Variants in NFIC observed in about 807,000 individuals in gnomAD.
NFIC encodes the protein nuclear factor 1 C-type.
Under a neutral mutation model 54.4 loss-of-function variants are expected in NFIC, and 12 were observed. That is an observed-to-expected ratio of 0.22 (90% confidence interval 0.14 to 0.36). The LOEUF (loss-of-function observed/expected upper bound fraction) is 0.36, where lower values mean the gene tolerates loss of function less well. Ranked by LOEUF, NFIC falls within the 10% of genes least tolerant of loss-of-function variation. The pLI is 1.00. For synonymous variants in NFIC, 322 were observed against 319.2 expected, an observed-to-expected ratio of 1.01 and a Z score of -0.09; for missense variants, 575 against 718.2, an observed-to-expected ratio of 0.80 and a Z score of 2.28.
intron 3 of NFIC, among the ~76,000 whole-genome samples, chr19:3,429,292 A>ACACACACACACT (rs2082084294): frequency 7.3e-6 from 1 of 137,120 alleles, no homozygotes; most frequent in Non-Finnish European, 1.5e-5. Flanking sequence ...ACACACACAC[A>ACACACACACACT]CACTAGCCAA....
At chr19:3,415,156 A>C (rs1237579408) in intron 2 of NFIC, among the ~76,000 whole-genome samples, 1 of 141,950 alleles carries the variant, frequency 7.0e-6, no homozygotes, top group Non-Finnish European at 1.5e-5. Context: ...TTGGTTCTTT[A>C]GTCTGGAGTG....
intron 1 of NFIC, among the ~76,000 whole-genome samples, chr19:3,360,339 C>A (rs543589923): frequency 2.0e-5 from 3 of 149,610 alleles, no homozygotes; most frequent in African/African-American, 7.3e-5. Flanking sequence ...CCTCGGCAGA[C>A]CCCCGGCCCC....
At chr19:3,408,427 G>A (rs1399941559) in intron 2 of NFIC, among the ~76,000 whole-genome samples, 1 of 151,892 alleles carries the variant, frequency 6.6e-6, no homozygotes, top group African/African-American at 2.4e-5. Context: ...CTTTAACTGT[G>A]GTGAGACACA....
At chr19:3,409,640 G>C (rs2081718559) in intron 2 of NFIC, among the ~76,000 whole-genome samples, 1 of 152,160 alleles carries the variant, frequency 6.6e-6, no homozygotes, top group East Asian at 1.9e-4. Flanking sequence ...TGCAAAGGGG[G>C]TGGGTGCTCC....
intron 3 of NFIC, among the ~76,000 whole-genome samples, chr19:3,431,394 G>A (rs2145622863): frequency 7.5e-6 from 1 of 133,772 alleles, no homozygotes; most frequent in Admixed American, 7.7e-5. Context: ...TTTGAGACAG[G>A]GTCTTGCTCT....
chr19:3,424,956 AGACCCCAGGGCCTGGGTGTGTTTTGG>A (rs2082004895), intron 2 of NFIC, 124 bp from the exon 3 acceptor site: 1 of 734,786 alleles, frequency 1.4e-6, no homozygotes. Flanking sequence ...GCCCAAAGAG[AGACCCCAGGGCCTGGGTGTGTTTTGG>A]GGCCACTGTT....
chr19:3,428,093 C>G (rs910660337), intron 3 of NFIC, among the ~76,000 whole-genome samples: 2 of 151,786 alleles, frequency 1.3e-5, no homozygotes, highest in Admixed American at 6.6e-5. Context: ...TTGCTTGAAC[C>G]CGGGAGACAG....
At chr19:3,454,879 C>T (rs2082528264) in intron 9 of NFIC, among the ~76,000 whole-genome samples, 1 of 152,180 alleles carries the variant, frequency 6.6e-6, no homozygotes, top group South Asian at 2.1e-4. Flanking sequence ...AGAACCCAGG[C>T]TGCCTGCCCA....
intron 2 of NFIC, among the ~76,000 whole-genome samples, chr19:3,384,581 G>A (rs1418529237): frequency 1.3e-5 from 2 of 152,092 alleles, no homozygotes; most frequent in African/African-American, 2.4e-5. Context: ...TAGAGACGGG[G>A]TTTCACCATG....
At position 3,369,296 on chromosome 19, in the gene NFIC, C is replaced by T. The variant is rs2080955452; in HGVS notation, c.30+2630C>T. 6.6e-6 allele frequency among the ~76,000 whole-genome samples: 1 copy of T among 152,112 alleles called. No individual in the cohort carries two copies. The highest frequency in any genetic ancestry group is 6.6e-5 in the Admixed American group (1 of 15,262). On this transcript the variant is annotated intron_variant, in intron 1 of 10. Transcript: ENST00000443272. The surrounding 1 kb of genome is among the most constrained non-coding windows in gnomAD (Gnocchi z 4.3). ...TGTCTCTTCATCTCTGTCTCACCTT[C>T]CCTTTCTCCTCTGTCTCTGCGTGTC...
intron 2 of NFIC, among the ~76,000 whole-genome samples, chr19:3,408,374 A>G (rs2145560921): frequency 6.6e-6 from 1 of 152,324 alleles, no homozygotes; most frequent in African/African-American, 2.4e-5. Flanking sequence ...GTTGAAGCCA[A>G]GATTCCCAAC....
intron 6 of NFIC, among the ~76,000 whole-genome samples, chr19:3,447,156 G>C (rs989150114): frequency 6.6e-6 from 1 of 151,904 alleles, no homozygotes; most frequent in Non-Finnish European, 1.5e-5. Context: ...AAAATGACCC[G>C]GGCGTGGTGG....
intron 6 of NFIC, among the ~76,000 whole-genome samples, chr19:3,444,877 ATG>A (rs1014043760): frequency 1.3e-5 from 2 of 151,676 alleles, no homozygotes; most frequent in African/African-American, 4.9e-5. Context: ...GCGTGCACAC[ATG>A]TATGCATGCA....
At chr19:3,421,120 A>G (rs746181267) in intron 2 of NFIC, among the ~76,000 whole-genome samples, 1 of 152,242 alleles carries the variant, frequency 6.6e-6, no homozygotes, top group East Asian at 1.9e-4. Flanking sequence ...TGAGGCGCGG[A>G]TGCATCCGAG....
At chr19:3,403,390 C>A (rs369666726) in intron 2 of NFIC, among the ~76,000 whole-genome samples, 1 of 152,194 alleles carries the variant, frequency 6.6e-6, no homozygotes, top group Admixed American at 6.5e-5. Context: ...TCTTCCGTTT[C>A]CCCCTTTGTA....
At chr19:3,372,507 T>C (rs1340161295) in intron 1 of NFIC, among the ~76,000 whole-genome samples, 1 of 152,116 alleles carries the variant, frequency 6.6e-6, no homozygotes, top group African/African-American at 2.4e-5. Context: ...GCTGTGCCCT[T>C]GTGGGACCGA....
In NFIC at chr19:3,429,231, CAAAAA is replaced by C. The variant is rs367681612; in HGVS notation, c.634+4067_634+4071del. 2.4e-3 allele frequency among the ~76,000 whole-genome samples: 87 copies of C among 36,740 alleles called. 3 individuals are homozygous for C. The highest frequency in any genetic ancestry group is 0.01 in the African/African-American group (86 of 8,320). 24.1% of individuals were successfully genotyped at this position (36,740 alleles called of 152,430 possible). ...ATATAGCAAGACCCTATCTCTACCC[CAAAAA>C]AAAAAAAAAAAATATATACACACAC... On this transcript the variant is annotated intron_variant, in intron 3 of 10. Coordinates refer to ENST00000443272, the MANE Select transcript of NFIC (RefSeq NM_001245002.2).
chr19:3,407,408 C>T (rs1010775098), intron 2 of NFIC, among the ~76,000 whole-genome samples: 4 of 148,792 alleles, frequency 2.7e-5, no homozygotes, highest in South Asian at 2.2e-4. Context: ...CCACCGCGCC[C>T]GGCCCAATTG....
intron 2 of NFIC, among the ~76,000 whole-genome samples, chr19:3,408,434 C>A (rs548190548): frequency 4.3e-4 from 65 of 152,072 alleles, no homozygotes; most frequent in African/African-American, 1.5e-3. Context: ...TGTGGTGAGA[C>A]ACACATCACA....
Sources: gnomAD v4.1 joint callset for allele counts (sites outside exome capture counted in the v4.1 genomes callset) on GRCh38, gnomAD v4.1.1 for gene constraint, Gnocchi (gnomAD v3.1) non-coding constraint, MANE v1.5 for transcripts, NCBI Gene and HGNC (gene_info 2026-07-23, HGNC 2026-07-21) for gene names.